Variants in PCCA observed in about 807,000 individuals in gnomAD.
PCCA encodes the protein propionyl-CoA carboxylase alpha chain, mitochondrial.
In PCCA, 74 loss-of-function variants were observed where a neutral mutation model predicts 101.3. The ratio of observed to expected loss-of-function variants is 0.73; its 90% CI spans 0.61 to 0.89. The LOEUF (loss-of-function observed/expected upper bound fraction) is 0.89. Ranked by LOEUF, PCCA falls within the 40% of genes least tolerant of loss-of-function variation. The probability of loss-of-function intolerance (pLI) is 0.00; values close to 1 mark genes in which losing one functional copy is unlikely to be tolerated. For synonymous variants in PCCA, 294 were observed against 313.6 expected (o/e 0.94, Z 0.66); for missense variants, 891 against 907.0 (o/e 0.98, Z 0.23).
intron 7 of PCCA, among the ~76,000 whole-genome samples, chr13:100,212,486 A>G (rs1440728108): frequency 6.6e-6 from 1 of 152,210 alleles, no homozygotes; most frequent in Non-Finnish European, 1.5e-5. Flanking sequence ...GGTGGTGGCT[A>G]GAAACATAGA....
chr13:100,154,928 G>GT (rs1268844235), intron 4 of PCCA, 51 bp from the exon 5 acceptor site: 1 of 1,161,548 alleles, frequency 8.6e-7, no homozygotes, highest in African/African-American at 1.5e-5. Context: ...GCAGATGATG[G>GT]TAATTCTTTT....
chr13:100,264,134 TG>T (rs1159425178), intron 10 of PCCA, among the ~76,000 whole-genome samples: 2 of 27,930 alleles, frequency 7.2e-5, no homozygotes, highest in African/African-American at 2.1e-4. Flanking sequence ...CGTATATATA[TG>T]GTATCTGTAT....
chr13:100,243,695 G>A (rs1406396265), intron 8 of PCCA, among the ~76,000 whole-genome samples: 4 of 152,110 alleles, frequency 2.6e-5, no homozygotes, highest in South Asian at 4.1e-4. Flanking sequence ...CTGTTCCCAT[G>A]ACATCTTATG....
At chr13:100,397,450 A>G (rs1281666154) in intron 19 of PCCA, among the ~76,000 whole-genome samples, 2 of 152,062 alleles carry the variant, frequency 1.3e-5, no homozygotes, top group Non-Finnish European at 2.9e-5. Context: ...TTTGCTTTAG[A>G]CTCATTTCTC....
intron 20 of PCCA, among the ~76,000 whole-genome samples, chr13:100,436,220 A>G (rs548912104): frequency 9.8e-5 from 15 of 152,316 alleles, no homozygotes; most frequent in South Asian, 6.2e-4. Context: ...GTTGCAGCCT[A>G]TAAGGTTGCA....
intron 21 of PCCA, among the ~76,000 whole-genome samples, chr13:100,465,069 T>C (rs1232911531): frequency 2.0e-5 from 3 of 152,162 alleles, no homozygotes; most frequent in Non-Finnish European, 4.4e-5. Flanking sequence ...TCTTCTCTTA[T>C]AGAAGAAAAA....
intron 21 of PCCA, among the ~76,000 whole-genome samples, chr13:100,484,924 A>G (rs897880318): frequency 7.2e-6 from 1 of 138,478 alleles, no homozygotes; most frequent in Admixed American, 7.2e-5. Flanking sequence ...TCCCTGTTTG[A>G]TGCACTGATA....
At chr13:100,502,664 A>G (rs1566469544) in intron 21 of PCCA, among the ~76,000 whole-genome samples, 1 of 152,210 alleles carries the variant, frequency 6.6e-6, no homozygotes, top group Admixed American at 6.5e-5. Flanking sequence ...AGACTTGAAA[A>G]TGACTGAGTG....
chr13:100,211,308 T>C (rs775307045), intron 7 of PCCA, among the ~76,000 whole-genome samples: 1 of 152,216 alleles, frequency 6.6e-6, no homozygotes, highest in African/African-American at 2.4e-5. Context: ...GCTCTTAGAA[T>C]TGTCCTTCCT....
intron 21 of PCCA, among the ~76,000 whole-genome samples, chr13:100,465,608 A>G (rs1242687887): frequency 2.0e-5 from 3 of 152,248 alleles, no homozygotes; most frequent in Non-Finnish European, 4.4e-5. Flanking sequence ...TTTGGGCAGT[A>G]TTAACATTTT....
intron 16 of PCCA, among the ~76,000 whole-genome samples, chr13:100,310,764 G>T (rs191355057): frequency 6.6e-6 from 1 of 152,114 alleles, no homozygotes; most frequent in Non-Finnish European, 1.5e-5. Flanking sequence ...AAAATACAAA[G>T]TAGGCTTGCC....
At position 100,394,271 on chromosome 13, in the gene PCCA, A is replaced by C. The variant is rs2076948374; in HGVS notation, c.1746+25697A>C. Among the ~76,000 whole-genome samples the C allele has an allele frequency of 6.6e-6, 1 of 152,222 alleles. No individual in the cohort carries two copies. The highest frequency in any genetic ancestry group is 2.1e-4 in the South Asian group (1 of 4,834). On this transcript the variant is annotated intron_variant, in intron 19 of 23. Coordinates refer to ENST00000376285, the MANE Select transcript of PCCA (RefSeq NM_000282.4). This position sits in a 1 kb window ranked among gnomAD's most constrained non-coding sequence, Gnocchi z 4.3. Reference sequence around the variant, plus strand: ...TTCAAACGGGTTTCTTCAAAGAAAGAGGGGTTTAGGGTTCTATGTTGTACT... The same window carrying C: ...TTCAAACGGGTTTCTTCAAAGAAAGCGGGGTTTAGGGTTCTATGTTGTACT...
chr13:100,143,458 G>A (rs967108580), intron 4 of PCCA, among the ~76,000 whole-genome samples: 1 of 151,176 alleles, frequency 6.6e-6, no homozygotes. Flanking sequence ...TTGTTTGCAC[G>A]TGGGAGGCAG....
intron 12 of PCCA, among the ~76,000 whole-genome samples, chr13:100,295,404 C>T (rs1291908966): frequency 2.6e-5 from 4 of 152,180 alleles, no homozygotes. Flanking sequence ...ACAAGTTCTG[C>T]TTACAAAAGA....
intron 22 of PCCA, among the ~76,000 whole-genome samples, chr13:100,525,673 G>A (rs1401487707): frequency 1.3e-5 from 2 of 152,246 alleles, no homozygotes. Flanking sequence ...TCTGAGCAAG[G>A]GGATGGGAGG....
intron 12 of PCCA, among the ~76,000 whole-genome samples, chr13:100,296,416 A>T (rs1214991352): frequency 6.7e-5 from 9 of 134,682 alleles, no homozygotes; most frequent in Non-Finnish European, 1.3e-4. Flanking sequence ...ATTTTTTTGT[A>T]TTTTTTTTTT....
chr13:100,396,595 G>A (rs1485144145), intron 19 of PCCA, among the ~76,000 whole-genome samples: 2 of 152,322 alleles, frequency 1.3e-5, no homozygotes, highest in East Asian at 3.9e-4. Flanking sequence ...ATAAGCAGCC[G>A]AGGCTAGGCG....
chr13:100,187,646 T>G (rs2057395223), intron 6 of PCCA, among the ~76,000 whole-genome samples: 2 of 152,196 alleles, frequency 1.3e-5, no homozygotes, highest in Non-Finnish European at 2.9e-5. Flanking sequence ...TAAAATTGTT[T>G]CTCAGTACTG....
chr13:100,215,933 G>T (rs1181742656), intron 7 of PCCA, among the ~76,000 whole-genome samples: 1 of 151,940 alleles, frequency 6.6e-6, no homozygotes. Flanking sequence ...GCCACTGTGC[G>T]CAGCCCTGCC....
Sources: gnomAD v4.1 joint callset for allele counts (sites outside exome capture counted in the v4.1 genomes callset) on GRCh38, gnomAD v4.1.1 for gene constraint, Gnocchi (gnomAD v3.1) non-coding constraint, MANE v1.5 for transcripts, NCBI Gene and HGNC (gene_info 2026-07-23, HGNC 2026-07-21) for gene names.